Variants in TNIP2 observed in about 807,000 individuals in gnomAD.
TNIP2 encodes TNFAIP3-interacting protein 2.
In TNIP2, 30 loss-of-function variants were observed where a neutral mutation model predicts 43.7. The observed-to-expected ratio is 0.69, with a 90% CI of 0.51 to 0.93. TNIP2 has a LOEUF of 0.93. Among genes scored for constraint, TNIP2 ranks in the 40% least tolerant of loss-of-function variants. TNIP2 has a pLI of 0.00. For missense variants in TNIP2, 599 were observed against 591.0 expected (o/e 1.01, Z -0.14); for synonymous variants, 260 against 254.6 (o/e 1.02, Z -0.20).
At chr4:2,747,316 T>C (rs1345995220) in intron 2 of TNIP2, 4 of 277,340 alleles carry the variant, frequency 1.4e-5, no homozygotes, top group Non-Finnish European at 2.8e-5. Context: ...AGGATGTGAC[T>C]ACACTTCCTC....
rs1721876594 is a variant in TNIP2, at chr4:2,744,276, C to T, written c.1026+111G>A. 3.5e-6 allele frequency: 5 copies of T among 1,439,812 alleles called. No individual in the cohort carries two copies. The Admixed American group carries it at 5.8e-5, about 17-fold the overall frequency. 89.2% of individuals were successfully genotyped at this position (1,439,812 alleles called of 1,614,324 possible). On this transcript the variant is annotated intron_variant, in intron 5 of 5. Transcript: ENST00000315423. This position sits in a 1 kb window ranked among gnomAD's most constrained non-coding sequence, Gnocchi z 5.1. ...CAGCAGGGAGGGGCTCGCCACAACC[C>T]TCATCACCAGCAAATCAGGGCCTTG... is the stretch of plus-strand genomic sequence containing the variant.
intron 1 of TNIP2, among the ~76,000 whole-genome samples, chr4:2,754,077 T>C (rs1409358369): frequency 6.6e-6 from 1 of 152,222 alleles, no homozygotes; most frequent in African/African-American, 2.4e-5. Flanking sequence ...ATTTTTCAGA[T>C]ATTCAAAATT....
chr4:2,754,969 C>T (rs1722191149), intron 1 of TNIP2, among the ~76,000 whole-genome samples: 1 of 152,180 alleles, frequency 6.6e-6, no homozygotes, highest in Admixed American at 6.5e-5. Flanking sequence ...AGGCAATCTG[C>T]CCGCCTTGCC....
intron 5 of TNIP2, among the ~76,000 whole-genome samples, chr4:2,743,292 A>G (rs1577305706): frequency 6.7e-6 from 1 of 149,426 alleles, no homozygotes; most frequent in Admixed American, 6.6e-5. Flanking sequence ...AGGCCCCACC[A>G]GGAACTTTAC....
intron 1 of TNIP2, among the ~76,000 whole-genome samples, chr4:2,748,208 C>T (rs1005055357): frequency 2.0e-5 from 3 of 151,984 alleles, no homozygotes; most frequent in South Asian, 4.1e-4. Flanking sequence ...CAGAGTTTCA[C>T]TCTGTTGCCC....
In TNIP2 at chr4:2,744,798, C is replaced by A; in HGVS notation, c.805G>T (p.Glu269Ter). The A allele has an allele frequency of 6.2e-7, 1 of 1,613,272 alleles. No individual in the cohort carries two copies. The change falls in exon 4 of 6, where the codon GAA becomes TAA. Residue 269 changes from glutamate to a stop codon, truncating the protein, a stop_gained. Coordinates refer to ENST00000315423, the MANE Select transcript of TNIP2 (RefSeq NM_024309.4). LOFTEE classifies it high-confidence loss of function. The surrounding 1 kb of genome is among the most constrained non-coding windows in gnomAD (Gnocchi z 5.1). ...TCGGCACAGTCATTTATTTTCTCTT[C>A]CAACTGTCTGTTGAGCCGGGAGATC... is the stretch of plus-strand genomic sequence containing the variant. ...KEISRLNRQL[E>*]EKINDCAEVK...
chr4:2,755,741 C>T (rs1413213630), intron 1 of TNIP2, among the ~76,000 whole-genome samples: 2 of 70,668 alleles, frequency 2.8e-5, no homozygotes, highest in African/African-American at 5.4e-5. Flanking sequence ...TGTCCCTCAA[C>T]CCCAGGACCC....
At chr4:2,755,983 C>A (rs376439255) in intron 1 of TNIP2, 31 bp downstream of exon 1, 5 of 1,520,160 alleles carry the variant, frequency 3.3e-6, no homozygotes, top group Non-Finnish European at 3.5e-6. Context: ...CACTCTCGCT[C>A]CCGCAGCTCC....
chr4:2,753,097 A>AAAAC (rs1054850158), intron 1 of TNIP2, among the ~76,000 whole-genome samples: 2 of 152,084 alleles, frequency 1.3e-5, no homozygotes, highest in African/African-American at 2.4e-5. Flanking sequence ...TAAAAATAAA[A>AAAAC]AAACAAACAA....
At chr4:2,748,082 T>A in intron 1 of TNIP2, 137 bp from the exon 2 acceptor site, 2 of 900,994 alleles carry the variant, frequency 2.2e-6, no homozygotes, top group East Asian at 2.6e-5. Context: ...AAGTTGGGCG[T>A]TTGAACTAAC....
At chr4:2,748,754 A>G (rs1289655359) in intron 1 of TNIP2, among the ~76,000 whole-genome samples, 1 of 150,714 alleles carries the variant, frequency 6.6e-6, no homozygotes, top group East Asian at 1.9e-4. Context: ...TTGGCCTCCC[A>G]AAGTACTGGG....
At chr4:2,746,608 C>T (rs967297402) in intron 2 of TNIP2, among the ~76,000 whole-genome samples, 2 of 152,224 alleles carry the variant, frequency 1.3e-5, no homozygotes, top group Non-Finnish European at 2.9e-5. Context: ...CAGTGGGCGC[C>T]TCGGTGAAGC....
Position 2,750,153 on chromosome 4 carries a change from G to A in TNIP2, c.277-2208C>T, listed in dbSNP as rs571523243. ...AAATTTGTACTTTTCCGTTTTCAAAGAATCCTCCAAAATAAACAGTACATT... is the reference window on the plus strand; with the variant it reads ...AAATTTGTACTTTTCCGTTTTCAAAAAATCCTCCAAAATAAACAGTACATT... On this transcript the variant is annotated intron_variant, in intron 1 of 5. Coordinates refer to ENST00000315423, the MANE Select transcript of TNIP2 (RefSeq NM_024309.4). Among the ~76,000 whole-genome samples, 443 of 152,158 alleles carry A rather than the reference G, an allele frequency of 2.9e-3. 5 individuals are homozygous for A. The highest frequency in any genetic ancestry group is 1.9e-3 in the Non-Finnish European group (132 of 67,986).
chr4:2,749,230 C>G (rs1370002632), intron 1 of TNIP2, among the ~76,000 whole-genome samples: 1 of 152,236 alleles, frequency 6.6e-6, no homozygotes, highest in African/African-American at 2.4e-5. Flanking sequence ...CCTCAGCCTC[C>G]TGAATAGCTG....
chr4:2,745,059 T>C (rs970089234), intron 3 of TNIP2, 114 bp from the exon 4 acceptor site: 1 of 1,360,434 alleles, frequency 7.4e-7, no homozygotes, highest in African/African-American at 1.5e-5. Flanking sequence ...AGTTTCCTCT[T>C]AAATGGAAGC....
At chr4:2,745,870 T>TGGCACAC (rs1280529258) in intron 2 of TNIP2, among the ~76,000 whole-genome samples, 1 of 152,274 alleles carries the variant, frequency 6.6e-6, no homozygotes, top group African/African-American at 2.4e-5. Flanking sequence ...CTGCAGGGAT[T>TGGCACAC]GGCACACCAG....
At chr4:2,752,923 T>C (rs908766660) in intron 1 of TNIP2, among the ~76,000 whole-genome samples, 1 of 150,882 alleles carries the variant, frequency 6.6e-6, no homozygotes, top group African/African-American at 2.4e-5. Context: ...TCATAGTCCT[T>C]GTGGTAGGCT....
rs147792544 is a variant in TNIP2, at chr4:2,742,495, C to T, written c.1052G>A (p.Arg351Gln). ...RQDSREPDAG[R>Q]IHAGSKTAKY... Reference sequence around the variant, plus strand: ...GGCAGTTTTGCTCCCAGCGTGAATCCGGCCGGCGTCTGGCTCTCGAGAATC... The same window carrying T: ...GGCAGTTTTGCTCCCAGCGTGAATCTGGCCGGCGTCTGGCTCTCGAGAATC... Residue 351 changes from arginine to glutamine, a missense_variant, in exon 6 of 6, where the codon CGG (arginine) becomes CAG (glutamine). By Grantham distance (43) the Arg-to-Gln change is conservative. Transcript: ENST00000315423. 1.5e-4 allele frequency: 241 copies of T among 1,597,144 alleles called. No homozygotes were observed. The African/African-American group carries it at 3.0e-3, about 20-fold the overall frequency.
chr4:2,748,344 G>T (rs1019321834), intron 1 of TNIP2, among the ~76,000 whole-genome samples: 3 of 151,562 alleles, frequency 2.0e-5, no homozygotes, highest in African/African-American at 4.8e-5. Flanking sequence ...CCAGCTAAAA[G>T]AATTTTTTTT....
Sources: gnomAD v4.1 joint callset for allele counts (sites outside exome capture counted in the v4.1 genomes callset) on GRCh38, gnomAD v4.1.1 for gene constraint, Gnocchi (gnomAD v3.1) non-coding constraint, MANE v1.5 for transcripts, NCBI Gene and HGNC (gene_info 2026-07-23, HGNC 2026-07-21) for gene names.